GABRG1: variants seen among roughly 807,000 people sequenced by gnomAD.
GABRG1 encodes gamma-aminobutyric acid type A receptor subunit gamma1.
In GABRG1, 49 loss-of-function variants were observed where a neutral mutation model predicts 49.8. The observed-to-expected ratio is 0.98, with a 90% CI of 0.78 to 1.25. The LOEUF is 1.25. GABRG1 is among the 50% of genes most tolerant of loss of function. The pLI is 0.00. For missense variants in GABRG1, 552 were observed against 552.3 expected (o/e 1.00, Z 0.01); for synonymous variants, 232 against 185.1 (o/e 1.25, Z -2.06).
At chr4:46,096,902 A>G (rs1383822913) in intron 2 of GABRG1, among the ~76,000 whole-genome samples, 1 of 151,772 alleles carries the variant, frequency 6.6e-6, no homozygotes, top group African/African-American at 2.4e-5. Context: ...TCTGTATCTT[A>G]TCTTTCAAAT....
chr4:46,111,059 T>C (rs1720696372), intron 1 of GABRG1, among the ~76,000 whole-genome samples: 1 of 150,946 alleles, frequency 6.6e-6, no homozygotes, highest in African/African-American at 2.4e-5. Context: ...AATCAAACTA[T>C]CTCTTTTTAG....
chr4:46,061,468 A>G (rs1718671360), intron 5 of GABRG1, among the ~76,000 whole-genome samples: 1 of 152,186 alleles, frequency 6.6e-6, no homozygotes, highest in South Asian at 2.1e-4. Flanking sequence ...AAATTTCAAA[A>G]GAAAGAAAAT....
At chr4:46,083,873 A>T in intron 3 of GABRG1, 113 bp downstream of exon 3, 1 of 691,506 alleles carries the variant, frequency 1.4e-6, no homozygotes, top group African/African-American at 1.8e-5. Flanking sequence ...GTACATGTTG[A>T]TCTGAATTCA....
intron 3 of GABRG1, among the ~76,000 whole-genome samples, chr4:46,073,411 G>A (rs1719213406): frequency 1.3e-5 from 2 of 151,998 alleles, no homozygotes; most frequent in African/African-American, 2.4e-5. Flanking sequence ...TCCATATGAG[G>A]CAAAAATTTT....
In GABRG1 at chr4:46,041,119, T is replaced by G; in HGVS notation, c.1267A>C (p.Arg423=). ...ASFFCCFEDC[R]TGSWREGRIH... Reference sequence around the variant, plus strand: ...CTTCCTTCCCTCCAAGATCCTGTTCTGCAGTCTTCAAAGCAACAGAAGAAG... The same window carrying G: ...CTTCCTTCCCTCCAAGATCCTGTTCGGCAGTCTTCAAAGCAACAGAAGAAG... Residue 423 remains arginine, a synonymous_variant, in exon 9 of 9, where the codon AGA becomes CGA. Transcript: ENST00000295452. 6.2e-7 allele frequency: 1 copy of G among 1,613,264 alleles called. No individual in the cohort carries two copies.
At chr4:46,123,570 A>T (rs1398241720) in intron 1 of GABRG1, among the ~76,000 whole-genome samples, 4 of 152,102 alleles carry the variant, frequency 2.6e-5, no homozygotes, top group African/African-American at 9.7e-5. Context: ...CTAGTTCACT[A>T]GTTTATACTC....
At position 46,123,976 on chromosome 4, in the gene GABRG1, A is replaced by G; in HGVS notation, c.-63T>C. ...TCTCCCAGCCAGGACTTTTCCTCCCACCTCAGCAGCAGCTGGCTGAGTACA... is the reference window on the plus strand; with the variant it reads ...TCTCCCAGCCAGGACTTTTCCTCCCGCCTCAGCAGCAGCTGGCTGAGTACA... On this transcript the variant is annotated 5_prime_UTR_variant, in exon 1 of 9. Coordinates refer to ENST00000295452, the MANE Select transcript of GABRG1 (RefSeq NM_173536.4). The G allele has an allele frequency of 1.6e-6, 2 of 1,253,454 alleles. No individual in the cohort carries two copies. The highest frequency in any genetic ancestry group is 1.2e-5 in the South Asian group (1 of 81,598). The allele number at this position is 1,253,454 out of a possible 1,614,324, so 77.6% of individuals were successfully genotyped here.
chr4:46,081,315 T>C (rs1291678954), intron 3 of GABRG1, among the ~76,000 whole-genome samples: 2 of 151,818 alleles, frequency 1.3e-5, no homozygotes, highest in Non-Finnish European at 2.9e-5. Flanking sequence ...TCTAGGTCAG[T>C]CTATTGGAAC....
At position 46,043,966 on chromosome 4, in the gene GABRG1, C is replaced by A. The variant is rs548105763; in HGVS notation, c.1132-2712G>T. 1.8e-4 allele frequency among the ~76,000 whole-genome samples: 27 copies of A among 151,644 alleles called. No individual in the cohort carries two copies. In the South Asian group the frequency reaches 5.4e-3, roughly 30 times the overall value. On this transcript the variant is annotated intron_variant, in intron 8 of 8. Coordinates refer to ENST00000295452, the MANE Select transcript of GABRG1 (RefSeq NM_173536.4). ...TTATACCATCTGATAATTATTATAC[C>A]ATCTGCTAAAATTATTAAATATTAG...
At chr4:46,095,212 G>A (rs1577661295) in intron 2 of GABRG1, among the ~76,000 whole-genome samples, 1 of 151,728 alleles carries the variant, frequency 6.6e-6, no homozygotes, top group Admixed American at 6.6e-5. Flanking sequence ...CAACTGAGAT[G>A]AAGAGAAGTC....
intron 3 of GABRG1, among the ~76,000 whole-genome samples, chr4:46,081,833 G>A (rs562616587): frequency 2.0e-5 from 3 of 151,894 alleles, no homozygotes; most frequent in African/African-American, 7.2e-5. Flanking sequence ...GAAGAGAAAC[G>A]TTGGATACAA....
chr4:46,075,227 A>G (rs1719283796), intron 3 of GABRG1, among the ~76,000 whole-genome samples: 2 of 152,032 alleles, frequency 1.3e-5, no homozygotes, highest in Admixed American at 1.3e-4. Context: ...TACTAAATTT[A>G]TAGGTGAAAA....
intron 7 of GABRG1, among the ~76,000 whole-genome samples, chr4:46,052,102 T>C (rs1718246746): frequency 6.6e-6 from 1 of 151,746 alleles, no homozygotes; most frequent in South Asian, 2.1e-4. Flanking sequence ...TGGAATACAA[T>C]GGCCAGACCA....
chr4:46,061,372 A>C (rs2109405156), intron 5 of GABRG1, among the ~76,000 whole-genome samples: 1 of 152,260 alleles, frequency 6.6e-6, no homozygotes, highest in South Asian at 2.1e-4. Context: ...GTGGAAATTT[A>C]GTAAGTGAAG....
Position 46,065,401 on chromosome 4 carries a change from G to C in GABRG1, c.505C>G (p.Arg169Gly). 6.2e-7 allele frequency: 1 copy of C among 1,612,980 alleles called. No individual in the cohort carries two copies. Among genetic ancestry groups the C allele is most frequent in the Non-Finnish European group, 8.5e-7 (1 of 1,179,272 alleles). Residue 169 changes from arginine (R) to glycine (G), a missense_variant, in exon 4 of 9, where the codon CGA becomes GGA. Coordinates refer to ENST00000295452, the MANE Select transcript of GABRG1 (RefSeq NM_173536.4). ...HWITTPNRLL[R>G]IWNDGRVLYT... The stretch of plus-strand genomic sequence containing the variant: ...AGAACTCGTCCATCATTCCAAATTC[G>C]AAGCAGACGATTAGGAGTTGTTATC...
At position 46,041,113 on chromosome 4, in the gene GABRG1, C is replaced by A. The variant is rs200863268; in HGVS notation, c.1273G>T (p.Gly425Ter). 1 of 1,613,210 alleles carries A rather than the reference C, an allele frequency of 6.2e-7. No individual in the cohort carries two copies. The highest frequency in any genetic ancestry group is 8.5e-7 in the Non-Finnish European group (1 of 1,179,446). ...FFCCFEDCRTGSWREGRIHIR... is the reference protein window; with the variant it reads ...FFCCFEDCRT ...TGTATCCTTCCTTCCCTCCAAGATC[C>A]TGTTCTGCAGTCTTCAAAGCAACAG... The change falls in exon 9 of 9, where the codon GGA becomes TGA. Residue 425 changes from glycine to a stop codon, truncating the protein, a stop_gained. Transcript: ENST00000295452. LOFTEE classifies it high-confidence loss of function.
intron 8 of GABRG1, among the ~76,000 whole-genome samples, chr4:46,050,087 G>T (rs1226687816): frequency 6.6e-6 from 1 of 151,882 alleles, no homozygotes; most frequent in Non-Finnish European, 1.5e-5. Context: ...TTGATGAAAG[G>T]AAAATTGTAG....
intron 5 of GABRG1, among the ~76,000 whole-genome samples, chr4:46,063,229 G>T (rs1213760516): frequency 6.6e-6 from 1 of 151,978 alleles, no homozygotes; most frequent in South Asian, 2.1e-4. Flanking sequence ...TAAGCCAAAA[G>T]AACAAAGCTG....
At chr4:46,051,332 C>T (rs946823692) in intron 8 of GABRG1, 92 bp downstream of exon 8, 78 of 943,218 alleles carry the variant, frequency 8.3e-5, no homozygotes, top group Admixed American at 1.1e-4. Flanking sequence ...TCTCAAGCGT[C>T]CCTATTTCTG....
Sources: gnomAD v4.1 joint callset for allele counts (sites outside exome capture counted in the v4.1 genomes callset) on GRCh38, gnomAD v4.1.1 for gene constraint, MANE v1.5 for transcripts, NCBI Gene and HGNC (gene_info 2026-07-23, HGNC 2026-07-21) for gene names.